CDS1: variants seen among roughly 807,000 people sequenced by gnomAD.
The protein encoded by CDS1 is phosphatidate cytidylyltransferase 1.
Under a neutral mutation model 62.1 loss-of-function variants are expected in CDS1, and 41 were observed. The ratio of observed to expected loss-of-function variants is 0.66; its 90% confidence interval spans 0.51 to 0.86. The LOEUF is 0.86. CDS1 is among the 40% of genes least tolerant of loss of function. The pLI, the probability that CDS1 is intolerant of heterozygous loss-of-function variation, is 0.00. For missense variants in CDS1, 470 were observed against 550.1 expected, an observed-to-expected ratio of 0.85 and a Z score of 1.46; for synonymous variants, 185 against 192.6, an observed-to-expected ratio of 0.96 and a Z score of 0.32.
At position 84,590,026 on chromosome 4, in the gene CDS1, C is replaced by T. The variant is rs559356837; in HGVS notation, c.117+6508C>T. 1.2e-3 allele frequency among the ~76,000 whole-genome samples: 188 copies of T among 152,202 alleles called. 1 individual carries two copies. The highest frequency in any genetic ancestry group is 5.0e-3 in the South Asian group (24 of 4,816). ...CGGGGTTTCACAGTGTTAGCCAGGA[C>T]GATCTCAATCTCCTGACCTTGTGAT... is the stretch of plus-strand genomic sequence containing the variant. On this transcript the variant is annotated intron_variant, in intron 1 of 12. Coordinates refer to ENST00000295887, the MANE Select transcript of CDS1 (RefSeq NM_001263.4).
intron 3 of CDS1, among the ~76,000 whole-genome samples, chr4:84,617,186 A>G (rs1057184330): frequency 3.9e-5 from 6 of 152,230 alleles, no homozygotes; most frequent in Non-Finnish European, 8.8e-5. Context: ...GTATCTCAAG[A>G]AACATAATGG....
chr4:84,616,314 A>G (rs987079528), intron 3 of CDS1, among the ~76,000 whole-genome samples: 1 of 152,210 alleles, frequency 6.6e-6, no homozygotes, highest in African/African-American at 2.4e-5. Context: ...TTTCTTTATC[A>G]TGTGGCTGGA....
At chr4:84,611,678 T>C (rs967332903) in intron 3 of CDS1, among the ~76,000 whole-genome samples, 2 of 152,198 alleles carry the variant, frequency 1.3e-5, no homozygotes, top group Non-Finnish European at 2.9e-5. Flanking sequence ...TGAAAATGAA[T>C]AAGAAGTTAA....
intron 1 of CDS1, among the ~76,000 whole-genome samples, chr4:84,602,820 A>G (rs771626870): frequency 7.3e-5 from 11 of 150,230 alleles, no homozygotes; most frequent in Non-Finnish European, 1.6e-4. Context: ...ATTAGTTACC[A>G]TCTCTCTCTA....
intron 5 of CDS1, among the ~76,000 whole-genome samples, chr4:84,630,155 G>A (rs1053815907): frequency 6.6e-6 from 1 of 152,174 alleles, no homozygotes; most frequent in Admixed American, 6.5e-5. Flanking sequence ...TCTACCTGCT[G>A]TAGAAGAAAA....
At chr4:84,646,647 A>AT (rs1724565979) in intron 12 of CDS1, among the ~76,000 whole-genome samples, 1 of 152,052 alleles carries the variant, frequency 6.6e-6, no homozygotes, top group Non-Finnish European at 1.5e-5. Flanking sequence ...AACATACTCT[A>AT]TGATTTGAGT....
chr4:84,636,244 G>A (rs2148657738), intron 8 of CDS1, among the ~76,000 whole-genome samples: 1 of 152,188 alleles, frequency 6.6e-6, no homozygotes, highest in African/African-American at 2.4e-5. Flanking sequence ...ATCCATTTGT[G>A]TGACTTTTCA....
At chr4:84,605,695 T>C (rs1257783346) in intron 2 of CDS1, among the ~76,000 whole-genome samples, 2 of 152,172 alleles carry the variant, frequency 1.3e-5, no homozygotes, top group Non-Finnish European at 2.9e-5. Context: ...CAGATTTGTG[T>C]GTGTCATTCA....
chr4:84,636,776 C>T (rs1425479071), intron 8 of CDS1, among the ~76,000 whole-genome samples: 1 of 152,160 alleles, frequency 6.6e-6, no homozygotes, highest in Non-Finnish European at 1.5e-5. Flanking sequence ...CTACCTACCT[C>T]GGCCTCTGAA....
In CDS1 at chr4:84,621,959, A is replaced by C. The variant is rs533294156; in HGVS notation, c.580+2426A>C. Among the ~76,000 whole-genome samples, 10 of 152,328 alleles carry C rather than the reference A, an allele frequency of 6.6e-5. No homozygotes were observed. In the East Asian group the frequency reaches 1.7e-3, roughly 26 times the overall value. On this transcript the variant is annotated intron_variant, in intron 5 of 12. Transcript: ENST00000295887. ...GTTATCAGCTAAGAAGACCATACTA[A>C]AATTTTGGAGAGTAAAACACTTGAC...
intron 2 of CDS1, among the ~76,000 whole-genome samples, chr4:84,609,134 A>G (rs189685852): frequency 2.4e-4 from 35 of 147,422 alleles, no homozygotes; most frequent in East Asian, 6.0e-4. Flanking sequence ...AGCCGAGATC[A>G]CGCCACTGCA....
intron 2 of CDS1, among the ~76,000 whole-genome samples, chr4:84,607,480 G>A (rs72662987): frequency 0.058 from 8,305 of 142,980 alleles, 323 homozygotes; most frequent in Middle Eastern, 0.11. Context: ...GTACCACCAC[G>A]CGCAGCTAAG....
chr4:84,640,952 TACTC>T lies in CDS1; in HGVS notation c.998_1001del (p.Ser333PhefsTer5). On this transcript the variant is annotated frameshift_variant, in exon 10 of 13. Coordinates refer to ENST00000295887, the MANE Select transcript of CDS1 (RefSeq NM_001263.4). LOFTEE classifies it high-confidence loss of function. Reference sequence around the variant, plus strand: ...CTCAGAACTTTTCCAGCTTCAGACTTACTCACTTCCACCCTTTCTAAAGGCAGTC... The same window carrying T: ...CTCAGAACTTTTCCAGCTTCAGACTTACTTCCACCCTTTCTAAAGGCAGTC... 6.2e-7 allele frequency: 1 copy of T among 1,609,404 alleles called. No homozygotes were observed. Among genetic ancestry groups the T allele is most frequent in the Non-Finnish European group, 8.5e-7 (1 of 1,178,206 alleles).
At position 84,609,607 on chromosome 4, in the gene CDS1, T is replaced by C. The variant is rs1723253091; in HGVS notation, c.342+82T>C. The stretch of plus-strand genomic sequence containing the variant: ...GGATTGAAGTAATTTGAGCATATCA[T>C]AAAAAAGAAGCTAATTCAACACTCA... On this transcript the variant is annotated intron_variant, in intron 3 of 12. Coordinates refer to ENST00000295887, the MANE Select transcript of CDS1 (RefSeq NM_001263.4). The C allele has an allele frequency of 1.1e-5, 9 of 801,942 alleles. No homozygotes were observed. The South Asian group carries it at 1.3e-4, about 11-fold the overall frequency. 49.7% of individuals were successfully genotyped at this position (801,942 alleles called of 1,614,324 possible). A position where few individuals can be genotyped will look rare whatever the true frequency, so the allele number is the denominator to read the frequency against.
chr4:84,597,975 A>C (rs1309914467), intron 1 of CDS1, among the ~76,000 whole-genome samples: 1 of 151,760 alleles, frequency 6.6e-6, no homozygotes, highest in Non-Finnish European at 1.5e-5. Flanking sequence ...AAATACAAAA[A>C]ATTAGCCGGG....
chr4:84,592,390 C>G (rs1722619558), intron 1 of CDS1, among the ~76,000 whole-genome samples: 1 of 152,044 alleles, frequency 6.6e-6, no homozygotes, highest in Non-Finnish European at 1.5e-5. Context: ...CCGGGCTGGT[C>G]TTGAACTCCT....
intron 1 of CDS1, among the ~76,000 whole-genome samples, chr4:84,590,445 C>T (rs1045232505): frequency 2.0e-5 from 3 of 152,180 alleles, no homozygotes; most frequent in African/African-American, 7.2e-5. Context: ...CTGAGGGTTA[C>T]CATGTGAATT....
Position 84,583,295 on chromosome 4 carries a change from C to A in CDS1, c.-107C>A. 1 of 761,918 alleles carries A rather than the reference C, an allele frequency of 1.3e-6. No homozygotes were observed. The highest frequency in any genetic ancestry group is 2.1e-6 in the Non-Finnish European group (1 of 469,386). 47.2% of individuals were successfully genotyped at this position (761,918 alleles called of 1,614,324 possible). A position where few individuals can be genotyped will look rare whatever the true frequency, so the allele number is the denominator to read the frequency against. On this transcript the variant is annotated 5_prime_UTR_variant, in exon 1 of 13. Transcript: ENST00000295887. Reference sequence around the variant, plus strand: ...TTAGTGGCTGCGGCTCCGCGGGACTCCAGGGCGCGGCTGCGAGGTGGCGGG... The same window carrying A: ...TTAGTGGCTGCGGCTCCGCGGGACTACAGGGCGCGGCTGCGAGGTGGCGGG...
Position 84,583,530 on chromosome 4 carries a change from C to G in CDS1, c.117+12C>G, listed in dbSNP as rs1560459847. The G allele has an allele frequency of 6.8e-7, 1 of 1,464,862 alleles. No individual in the cohort carries two copies. Among genetic ancestry groups the G allele is most frequent in the Non-Finnish European group, 9.2e-7 (1 of 1,092,270 alleles). The allele number at this position is 1,464,862 out of a possible 1,614,324, so 90.7% of individuals were successfully genotyped here. A position where few individuals can be genotyped will look rare whatever the true frequency, so the allele number is the denominator to read the frequency against. Reference sequence around the variant, plus strand: ...GCACCAGCGACAAAGTAAGTGGAGCCGAGAGAGGCGGACGCCGCGCCCTGG... The same window carrying G: ...GCACCAGCGACAAAGTAAGTGGAGCGGAGAGAGGCGGACGCCGCGCCCTGG... On this transcript the variant is annotated intron_variant, in intron 1 of 12. Coordinates refer to ENST00000295887, the MANE Select transcript of CDS1 (RefSeq NM_001263.4).
Sources: allele counts gnomAD v4.1 joint callset (sites outside exome capture counted in the v4.1 genomes callset), GRCh38; gene constraint gnomAD v4.1.1; transcripts MANE v1.5; gene names NCBI Gene and HGNC (gene_info 2026-07-23, HGNC 2026-07-21).